SEC13: variants seen among roughly 807,000 people sequenced by gnomAD.
SEC13 encodes SEC13 homolog, nuclear pore and COPII component, also known as protein SEC13 homolog.
In SEC13, 25 loss-of-function variants were observed where a neutral mutation model predicts 49.2. The observed-to-expected ratio is 0.51, with a 90% CI of 0.37 to 0.71. SEC13 has a LOEUF of 0.71. Ranked by LOEUF, SEC13 falls within the 30% of genes least tolerant of loss-of-function variation. SEC13 has a pLI of 0.00. For synonymous variants in SEC13, 148 were observed against 163.9 expected, an observed-to-expected ratio of 0.90 and a Z score of 0.74; for missense variants, 383 against 417.6, an observed-to-expected ratio of 0.92 and a Z score of 0.72.
chr3:10,310,447 T>G (rs1377086027), intron 5 of SEC13, among the ~76,000 whole-genome samples: 1 of 152,072 alleles, frequency 6.6e-6, no homozygotes. Flanking sequence ...GCCGAGATCA[T>G]GTCACTGCAC....
intron 7 of SEC13, 92 bp from the exon 8 acceptor site, chr3:10,304,264 C>A: frequency 7.5e-7 from 1 of 1,339,504 alleles, no homozygotes; most frequent in Non-Finnish European, 1.1e-6. Context: ...CCCGGCACCT[C>A]TCTGCAGGAA....
At chr3:10,303,541 C>T (rs891739916) in intron 8 of SEC13, 5 of 206,178 alleles carry the variant, frequency 2.4e-5, no homozygotes, top group Non-Finnish European at 5.0e-5. Context: ...CTGCAAAATG[C>T]AAACTCTTCC....
chr3:10,315,343 T>TCTGC lies in SEC13; in HGVS notation c.138_141dup (p.Ile48AlafsTer11), dbSNP rs1701535750. On this transcript the variant is annotated frameshift_variant, in exon 3 of 9. Coordinates refer to ENST00000350697, the MANE Select transcript of SEC13 (RefSeq NM_183352.3). LOFTEE classifies it high-confidence loss of function. ...TACCCCCTGAGGTCGGCGATAAGGA[T>TCTGC]CTGCCCTCCATTGCGCACATCAAAG... 1 of 1,613,690 alleles carries TCTGC rather than the reference T, an allele frequency of 6.2e-7. No homozygotes were observed. Among genetic ancestry groups the TCTGC allele is most frequent in the Non-Finnish European group, 8.5e-7 (1 of 1,179,836 alleles).
intron 5 of SEC13, among the ~76,000 whole-genome samples, chr3:10,306,192 TTTTGGATGTTTTTTACATCTCCTAC>T (rs1306139934): frequency 6.6e-6 from 1 of 152,202 alleles, no homozygotes; most frequent in Admixed American, 6.5e-5. Context: ...TTAAACATTT[TTTTGGATGTTTTTTACATCTCCTAC>T]TTTGCAGATT....
Position 10,304,206 on chromosome 3 carries a change from G to A in SEC13, c.709-34C>T. The stretch of plus-strand genomic sequence containing the variant: ...AAACAGGATAGAGTCAGGAGGTGGA[G>A]TCAAGACTCCTGCGTTTGTGATGTG... On this transcript the variant is annotated intron_variant, in intron 7 of 8. Transcript: ENST00000350697. 2.5e-6 allele frequency: 4 copies of A among 1,610,154 alleles called. No individual in the cohort carries two copies. The South Asian group carries it at 3.3e-5, about 13-fold the overall frequency.
At chr3:10,319,790 GA>G (rs2059733619) in intron 1 of SEC13, among the ~76,000 whole-genome samples, 1 of 15,910 alleles carries the variant, frequency 6.3e-5, no homozygotes, top group African/African-American at 2.3e-4. Flanking sequence ...GAGAGAGAGA[GA>G]GAGAAGGCGG....
chr3:10,311,838 G>T (rs1701276646), intron 5 of SEC13, 127 bp downstream of exon 5: 3 of 1,579,252 alleles, frequency 1.9e-6, no homozygotes, highest in Admixed American at 1.8e-5. Context: ...AATCATGTCT[G>T]GTCAGCTGAC....
chr3:10,319,147 C>G (rs756136179), intron 1 of SEC13: 1 of 1,610,036 alleles, frequency 6.2e-7, no homozygotes. Context: ...ACCATTTTCC[C>G]CATTTCATCT....
intron 8 of SEC13, 191 bp downstream of exon 8, chr3:10,303,835 A>AG: frequency 1.6e-6 from 1 of 636,012 alleles, no homozygotes; most frequent in East Asian, 2.8e-5. Flanking sequence ...CATCTGTGAA[A>AG]GGGGGACGTG....
At position 10,301,210 on chromosome 3, in the gene SEC13, A is replaced by G; in HGVS notation, c.*51T>C. On this transcript the variant is annotated 3_prime_UTR_variant, in exon 9 of 9. Transcript: ENST00000350697. ...CAGTTGTCTGGTTAGTTGGCCCAGGAAGGGGCAGTCCTGGAGCTGGCGGGT... is the reference window on the plus strand; with the variant it reads ...CAGTTGTCTGGTTAGTTGGCCCAGGGAGGGGCAGTCCTGGAGCTGGCGGGT... The G allele has an allele frequency of 6.2e-7, 1 of 1,614,044 alleles. No homozygotes were observed. The highest frequency in any genetic ancestry group is 8.5e-7 in the Non-Finnish European group (1 of 1,179,934).
At chr3:10,304,265 T>TCTGCAGGAACAGGGTGGGGGATTCAAAG (rs1700725733) in intron 7 of SEC13, 93 bp from the exon 8 acceptor site, 2 of 1,332,776 alleles carry the variant, frequency 1.5e-6, no homozygotes. Context: ...CCGGCACCTC[T>TCTGCAGGAACAGGGTGGGGGATTCAAAG]CTGCAGGAAC....
intron 3 of SEC13, chr3:10,314,884 T>C (rs542135900): frequency 6.4e-6 from 1 of 156,940 alleles, no homozygotes; most frequent in Non-Finnish European, 1.4e-5. Context: ...CTGGCTAAAC[T>C]TGAACGAAAT....
chr3:10,302,156 T>TGAACCCAGGAGGC (rs1700570642), intron 8 of SEC13, among the ~76,000 whole-genome samples: 2 of 152,130 alleles, frequency 1.3e-5, no homozygotes, highest in South Asian at 4.1e-4. Flanking sequence ...GAGAATCGCT[T>TGAACCCAGGAGGC]GAACCCAGGA....
chr3:10,301,026 T>A lies in SEC13; in HGVS notation c.*235A>T, dbSNP rs191606335. ...TACATAAAAATGACCCAAAATAGATTTGAACATCACTTGTAGTTTCTTCCT... is the reference window on the plus strand; with the variant it reads ...TACATAAAAATGACCCAAAATAGATATGAACATCACTTGTAGTTTCTTCCT... On this transcript the variant is annotated 3_prime_UTR_variant, in exon 9 of 9. Transcript: ENST00000350697. 1,911 of 1,540,882 alleles carry A rather than the reference T, an allele frequency of 1.2e-3. 4 individuals are homozygous for A. The highest frequency in any genetic ancestry group is 2.8e-3 in the Middle Eastern group (12 of 4,332).
At chr3:10,308,901 G>T (rs1433682486) in intron 5 of SEC13, among the ~76,000 whole-genome samples, 1 of 145,098 alleles carries the variant, frequency 6.9e-6, no homozygotes, top group Admixed American at 6.9e-5. Flanking sequence ...AAAGTGCTAG[G>T]ATTACAGGCT....
intron 8 of SEC13, among the ~76,000 whole-genome samples, chr3:10,302,519 A>G (rs965308211): frequency 6.6e-6 from 1 of 152,208 alleles, no homozygotes; most frequent in Non-Finnish European, 1.5e-5. Flanking sequence ...ACTTGCTTAC[A>G]GCCTTGTAAA....
chr3:10,313,775 CAG>C (rs1459734308), intron 3 of SEC13: 3 of 179,190 alleles, frequency 1.7e-5, no homozygotes, highest in African/African-American at 4.6e-5. Flanking sequence ...GCAGAAAGGA[CAG>C]AGTCACAGCA....
chr3:10,301,435 A>G (rs1700504299), intron 8 of SEC13, 61 bp from the exon 9 acceptor site: 3 of 1,602,486 alleles, frequency 1.9e-6, no homozygotes, highest in Middle Eastern at 1.7e-4. Flanking sequence ...GCTGTCCCCT[A>G]AATATGAGCC....
intron 5 of SEC13, among the ~76,000 whole-genome samples, chr3:10,308,179 A>T (rs1701008448): frequency 6.6e-6 from 1 of 152,200 alleles, no homozygotes; most frequent in African/African-American, 2.4e-5. Flanking sequence ...CTCAATCAAG[A>T]TAAGGAACAT....
Sources: gnomAD v4.1 joint callset for allele counts (sites outside exome capture counted in the v4.1 genomes callset) on GRCh38, gnomAD v4.1.1 for gene constraint, MANE v1.5 for transcripts, NCBI Gene and HGNC (gene_info 2026-07-23, HGNC 2026-07-21) for gene names.